L3MBTL4: variants seen among roughly 807,000 people sequenced by gnomAD.
L3MBTL4 encodes L3MBTL histone methyl-lysine binding protein 4.
Under a neutral mutation model 84.5 loss-of-function variants are expected in L3MBTL4, and 70 were observed. The observed-to-expected ratio is 0.83, with a 90% CI of 0.68 to 1.01. The LOEUF is 1.01. Among genes scored for constraint, L3MBTL4 ranks in the 50% least tolerant of loss-of-function variants. The probability of loss-of-function intolerance (pLI) is 0.00; values close to 1 mark genes in which losing one functional copy is unlikely to be tolerated. For missense variants in L3MBTL4, 715 were observed against 754.8 expected (o/e 0.95, Z 0.62); for synonymous variants, 274 against 259.8 (o/e 1.05, Z -0.52).
At chr18:6,326,005 T>C (rs556833355) in intron 1 of L3MBTL4, among the ~76,000 whole-genome samples, 2 of 152,256 alleles carry the variant, frequency 1.3e-5, no homozygotes, top group East Asian at 3.9e-4. Context: ...GTACAGTCAG[T>C]AACAGGCAGA....
chr18:6,182,800 C>G (rs1235581176), intron 12 of L3MBTL4, among the ~76,000 whole-genome samples: 1 of 152,166 alleles, frequency 6.6e-6, no homozygotes, highest in Non-Finnish European at 1.5e-5. Context: ...ATAGGGGAGT[C>G]CTTTAGATAA....
At chr18:6,099,360 A>G (rs12967906) in intron 14 of L3MBTL4, among the ~76,000 whole-genome samples, 35,486 of 151,474 alleles carry the variant, frequency 0.23, 6,348 homozygotes, top group African/African-American at 0.51. Flanking sequence ...GTTATTGAAC[A>G]GTGATAGTAC....
intron 1 of L3MBTL4, among the ~76,000 whole-genome samples, chr18:6,314,413 T>C (rs1378988266): frequency 6.6e-6 from 1 of 152,196 alleles, no homozygotes; most frequent in Non-Finnish European, 1.5e-5. Context: ...AGTAAAGGTA[T>C]ATACCAACTA....
intron 16 of L3MBTL4, among the ~76,000 whole-genome samples, chr18:5,982,478 C>A (rs2053277700): frequency 6.6e-6 from 1 of 152,176 alleles, no homozygotes; most frequent in Non-Finnish European, 1.5e-5. Context: ...GAAATTCACA[C>A]CTTTCAATTA....
At chr18:6,111,241 A>T (rs1275343456) in intron 14 of L3MBTL4, among the ~76,000 whole-genome samples, 1 of 152,168 alleles carries the variant, frequency 6.6e-6, no homozygotes, top group Non-Finnish European at 1.5e-5. Flanking sequence ...GGCTGATGAG[A>T]GTGTTCTAAA....
At chr18:5,998,448 T>C (rs531834039) in intron 16 of L3MBTL4, among the ~76,000 whole-genome samples, 6 of 152,284 alleles carry the variant, frequency 3.9e-5, no homozygotes, top group African/African-American at 1.4e-4. Context: ...ACAACCTATT[T>C]TCCTGGAGGG....
At chr18:6,023,379 T>C (rs2055357941) in intron 16 of L3MBTL4, among the ~76,000 whole-genome samples, 1 of 151,988 alleles carries the variant, frequency 6.6e-6, no homozygotes, top group African/African-American at 2.4e-5. Context: ...AAAACGCAAA[T>C]GGAAAAGTAA....
At chr18:6,071,679 AAGAG>A (rs200913924) in intron 16 of L3MBTL4, among the ~76,000 whole-genome samples, 55 of 78,506 alleles carry the variant, frequency 7.0e-4, no homozygotes, top group African/African-American at 3.3e-3. Context: ...GAAAAAAAGA[AAGAG>A]AGAAAGAAAG....
At position 6,139,725 on chromosome 18, in the gene L3MBTL4, G is replaced by A. The variant is rs146470419; in HGVS notation, c.1097-1429C>T. On this transcript the variant is annotated intron_variant, in intron 13 of 18. Coordinates refer to ENST00000317931, the MANE Select transcript of L3MBTL4 (RefSeq NM_001330559.2). ...CCCATTTCCCAGCCCTGGTTTCATG[G>A]GGCTGAAGACATGGCTTCCCACAGC... is the stretch of plus-strand genomic sequence containing the variant. 2.1e-3 allele frequency among the ~76,000 whole-genome samples: 316 copies of A among 152,086 alleles called. 1 individual carries two copies. The highest frequency in any genetic ancestry group is 7.4e-3 in the African/African-American group (308 of 41,478).
At chr18:6,244,432 T>C in intron 6 of L3MBTL4, 52 bp downstream of exon 6, 7 of 1,121,408 alleles carry the variant, frequency 6.2e-6, no homozygotes, top group Non-Finnish European at 9.2e-6. Flanking sequence ...TTCTAGAAAA[T>C]TATCTTTCTG....
At position 5,967,822 on chromosome 18, in the gene L3MBTL4, G is replaced by A. The variant is rs117316882; in HGVS notation, c.1614+1571C>T. Among the ~76,000 whole-genome samples the A allele has an allele frequency of 1.0e-3, 155 of 152,370 alleles. 1 individual carries two copies. In the East Asian group the frequency reaches 0.028, roughly 27 times the overall value. Reference sequence around the variant, plus strand: ...CAGGCCGGGGCAGCAGGACTCCCTGGGGCAGGAGGGGACGGCAAGAATGGC... The same window carrying A: ...CAGGCCGGGGCAGCAGGACTCCCTGAGGCAGGAGGGGACGGCAAGAATGGC... On this transcript the variant is annotated intron_variant, in intron 17 of 18. Coordinates refer to ENST00000317931, the MANE Select transcript of L3MBTL4 (RefSeq NM_001330559.2).
intron 12 of L3MBTL4, among the ~76,000 whole-genome samples, chr18:6,206,905 C>A (rs566198996): frequency 6.6e-6 from 1 of 152,038 alleles, no homozygotes; most frequent in African/African-American, 2.4e-5. Context: ...AAAAATAAGA[C>A]AAGGATACAA....
rs564824382 is a variant in L3MBTL4 at position 6,325,549 on chromosome 18, C to T, written c.-90-13493G>A. 9.2e-5 allele frequency among the ~76,000 whole-genome samples: 14 copies of T among 152,054 alleles called. No individual in the cohort carries two copies. In the East Asian group the frequency reaches 9.7e-4, roughly 10 times the overall value. Reference sequence around the variant, plus strand: ...CCTTAATATGTACCTTAGATATATACGGCAAACTATATAAGTAGTATATAT... The same window carrying T: ...CCTTAATATGTACCTTAGATATATATGGCAAACTATATAAGTAGTATATAT... On this transcript the variant is annotated intron_variant, in intron 1 of 18. Transcript: ENST00000317931.
At chr18:6,178,941 G>A (rs1439456978) in intron 12 of L3MBTL4, among the ~76,000 whole-genome samples, 1 of 152,150 alleles carries the variant, frequency 6.6e-6, no homozygotes, top group African/African-American at 2.4e-5. Flanking sequence ...CTGCTCCCAT[G>A]GCACTTAGCC....
intron 16 of L3MBTL4, among the ~76,000 whole-genome samples, chr18:5,976,678 A>G (rs942118388): frequency 6.6e-6 from 1 of 152,142 alleles, no homozygotes; most frequent in African/African-American, 2.4e-5. Context: ...TGAGACTCTG[A>G]GCCATGTGTT....
chr18:6,011,787 G>A (rs150380696), intron 16 of L3MBTL4, among the ~76,000 whole-genome samples: 177 of 152,336 alleles, frequency 1.2e-3, no homozygotes, highest in African/African-American at 4.2e-3. Context: ...ATGGAGGACA[G>A]AGGCCTGTTT....
intron 1 of L3MBTL4, among the ~76,000 whole-genome samples, chr18:6,361,884 C>T (rs1413685424): frequency 6.6e-6 from 1 of 151,926 alleles, no homozygotes; most frequent in African/African-American, 2.4e-5. Flanking sequence ...GGGAGGCAGA[C>T]GCAGGGTGAC....
chr18:5,989,929 G>C (rs773799640), intron 16 of L3MBTL4, among the ~76,000 whole-genome samples: 1 of 152,204 alleles, frequency 6.6e-6, no homozygotes, highest in Non-Finnish European at 1.5e-5. Context: ...GAGAGCGTGA[G>C]GGCACAAGGC....
At chr18:6,364,757 T>C (rs1385273519) in intron 1 of L3MBTL4, among the ~76,000 whole-genome samples, 1 of 152,126 alleles carries the variant, frequency 6.6e-6, no homozygotes, top group Admixed American at 6.5e-5. Flanking sequence ...GTATCTATCA[T>C]ATATACTTTC....
Sources: gnomAD v4.1 joint callset for allele counts (sites outside exome capture counted in the v4.1 genomes callset) on GRCh38, gnomAD v4.1.1 for gene constraint, MANE v1.5 for transcripts, NCBI Gene and HGNC (gene_info 2026-07-23, HGNC 2026-07-21) for gene names.